The following MAPK8IP2 variants were observed in gnomAD, a reference collection of about 807,000 sequenced individuals.
MAPK8IP2 encodes the protein mitogen-activated protein kinase 8 interacting protein 2.
In MAPK8IP2, 15 loss-of-function variants were observed where a neutral mutation model predicts 75.6. The ratio of observed to expected loss-of-function variants is 0.20; its 90% confidence interval spans 0.13 to 0.31. MAPK8IP2 has a LOEUF of 0.31. Ranked by LOEUF, MAPK8IP2 falls within the 10% of genes least tolerant of loss-of-function variation. MAPK8IP2 has a pLI of 1.00. For missense variants in MAPK8IP2, 1,089 were observed against 1,211.2 expected, an observed-to-expected ratio of 0.90 and a Z score of 1.50; for synonymous variants, 632 against 554.5, an observed-to-expected ratio of 1.14 and a Z score of -1.96.
Position 50,604,292 on chromosome 22 carries a change from C to T in MAPK8IP2, c.993C>T (p.Tyr331=), listed in dbSNP as rs761958182. The T allele has an allele frequency of 1.5e-5, 23 of 1,561,812 alleles. No homozygotes were observed. The East Asian group carries it at 5.2e-4, about 35-fold the overall frequency. The part of the protein sequence containing the change: ...PVGPDDTNSE[Y]ESGSESEPDL... The stretch of plus-strand genomic sequence containing the variant: ...GCCCCGACGACACCAACAGCGAGTA[C>T]GAGTCGGGGTCGGAGTCGGAGCCGG... Residue 331 remains tyrosine (Y), a synonymous_variant, in exon 5 of 12, where the codon TAC becomes TAT. Coordinates refer to ENST00000329492, the MANE Select transcript of MAPK8IP2 (RefSeq NM_012324.6).
chr22:50,605,881 G>C lies in MAPK8IP2; in HGVS notation c.2071G>C (p.Val691Leu), dbSNP rs369627160. Residue 691 changes from valine (V) to leucine (L), a missense_variant, in exon 8 of 12, where the codon GTG (valine) becomes CTG (leucine). Physicochemically the swap from Val to Leu is conservative, Grantham distance 32. Around this residue, in one of 2 missense-constraint regions of MAPK8IP2, gnomAD observed 129 missense variants for 201.7 expected, o/e 0.64. Transcript: ENST00000329492. ...CTTTGACGTGCAGTTCCTGGGCTCC[G>C]TGGAGGTGCCCTGCCACCAGGGCAA... ...ERFDVQFLGS[V>L]EVPCHQGNGI... is the part of the protein sequence containing the mutation. 2 of 1,587,754 alleles carry C rather than the reference G, an allele frequency of 1.3e-6. No homozygotes were observed. Among genetic ancestry groups the C allele is most frequent in the African/African-American group, 2.7e-5 (2 of 74,376 alleles).
At position 50,610,626 on chromosome 22, in the gene MAPK8IP2, A is replaced by G. The variant is rs1038060391; in HGVS notation, c.2403-81A>G. On this transcript the variant is annotated intron_variant, in intron 11 of 11. Transcript: ENST00000329492. The surrounding 1 kb of genome is among the most constrained non-coding windows in gnomAD (Gnocchi z 4.3). ...ATGGCTGCAGAGGGAGGAAGGAGGG[A>G]GAGCTCAGAGGCTCTGTGGAAGGCA... 2.7e-6 allele frequency: 3 copies of G among 1,123,616 alleles called. No individual in the cohort carries two copies. The Admixed American group carries it at 6.0e-5, about 22-fold the overall frequency. 69.6% of individuals were successfully genotyped at this position (1,123,616 alleles called of 1,614,324 possible).
At position 50,603,303 on chromosome 22, in the gene MAPK8IP2, C is replaced by T. The variant is rs1483732514; in HGVS notation, c.252C>T (p.Ile84=). 50 of 1,572,342 alleles carry T rather than the reference C, an allele frequency of 3.2e-5. No homozygotes were observed. The highest frequency in any genetic ancestry group is 4.0e-5 in the Non-Finnish European group (47 of 1,161,270). ...FQDDFQEFEM[I]DDNEEEDDED... is the part of the protein sequence containing the mutation. ...ATGACTTCCAGGAGTTTGAGATGAT[C>T]GATGACAATGAAGAGGAGGACGATG... Residue 84 remains isoleucine (I), a synonymous_variant, in exon 3 of 12, where the codon ATC becomes ATT. Coordinates refer to ENST00000329492, the MANE Select transcript of MAPK8IP2 (RefSeq NM_012324.6).
At chr22:50,603,562 C>T in intron 3 of MAPK8IP2, 64 bp downstream of exon 3, 1 of 1,578,982 alleles carries the variant, frequency 6.3e-7, no homozygotes, top group Non-Finnish European at 8.6e-7. Context: ...GGGCTGCAGC[C>T]AGCCCTGCTC....
At chr22:50,609,950 C>T (rs768847935) in intron 10 of MAPK8IP2, 13 of 653,004 alleles carry the variant, frequency 2.0e-5, no homozygotes, top group Middle Eastern at 5.1e-4. Flanking sequence ...GTAGCAGCAC[C>T]GGCTCAGAGA....
At chr22:50,603,781 T>C in intron 4 of MAPK8IP2, 60 bp from the exon 5 acceptor site, 1 of 1,539,518 alleles carries the variant, frequency 6.5e-7, no homozygotes, top group South Asian at 1.2e-5. Flanking sequence ...GAGGATGGAC[T>C]GGCTGCTGGA....
chr22:50,601,801 C>T lies in MAPK8IP2; in HGVS notation c.78C>T (p.Asp26=), dbSNP rs746969033. ...LSPPGCRPPQ[D]ISLEEFDDED... is the part of the protein sequence containing the mutation. ...GTCTCCTTTCCAGGCCTCCCCAGGA[C>T]ATAAGCCTGGAAGAATTTGACGACG... Residue 26 remains aspartate (D), a synonymous_variant, in exon 2 of 12, where the codon GAC becomes GAT. Transcript: ENST00000329492. 2 of 1,613,512 alleles carry T rather than the reference C, an allele frequency of 1.2e-6. No homozygotes were observed. Among genetic ancestry groups the T allele is most frequent in the South Asian group, 1.1e-5 (1 of 91,068 alleles).
At chr22:50,602,776 T>C (rs1413511433) in intron 2 of MAPK8IP2, among the ~76,000 whole-genome samples, 1 of 152,224 alleles carries the variant, frequency 6.6e-6, no homozygotes, top group Non-Finnish European at 1.5e-5. Context: ...TGATGTTTAC[T>C]GAACATCCGC....
chr22:50,604,271 C>A lies in MAPK8IP2; in HGVS notation c.972C>A (p.Pro324=). Residue 324 remains proline (P), a synonymous_variant, in exon 5 of 12, where the codon CCC becomes CCA. Coordinates refer to ENST00000329492, the MANE Select transcript of MAPK8IP2 (RefSeq NM_012324.6). ...GCCCCGCCTTCCTGCCCGTGGGCCC[C>A]GACGACACCAACAGCGAGTACGAGT... is the stretch of plus-strand genomic sequence containing the variant. The part of the protein sequence containing the change: ...PRRPAFLPVG[P]DDTNSEYESG... The A allele has an allele frequency of 6.4e-7, 1 of 1,569,350 alleles. No homozygotes were observed. The highest frequency in any genetic ancestry group is 2.3e-5 in the East Asian group (1 of 43,034).
chr22:50,611,770 T>C lies in MAPK8IP2; in HGVS notation c.*991T>C, dbSNP rs1181427503. ...GGGAATTCTCCCTAGATACACTCGA[T>C]TGGCCACAGAGGAATCCGAGGCTGT... On this transcript the variant is annotated 3_prime_UTR_variant, in exon 12 of 12. Transcript: ENST00000329492. This position sits in a 1 kb window ranked among gnomAD's most constrained non-coding sequence, Gnocchi z 5.5. The C allele has an allele frequency of 3.3e-5, 5 of 152,232 alleles. No individual in the cohort carries two copies. Among genetic ancestry groups the C allele is most frequent in the Non-Finnish European group, 1.5e-5 (1 of 68,086 alleles). The allele number at this position is 152,232 out of a possible 1,614,324, so 9.4% of individuals were successfully genotyped here. A position where few individuals can be genotyped will look rare whatever the true frequency, so the allele number is the denominator to read the frequency against.
chr22:50,610,960 G>A lies in MAPK8IP2; in HGVS notation c.*181G>A. On this transcript the variant is annotated 3_prime_UTR_variant, in exon 12 of 12. Transcript: ENST00000329492. This position sits in a 1 kb window ranked among gnomAD's most constrained non-coding sequence, Gnocchi z 4.3. ...TCCCCAGGGCGCAGCTGTTGGGGCT[G>A]CGGGGGAGTGGAGCCCCCGTGCCCC... The A allele has an allele frequency of 3.5e-6, 2 of 570,068 alleles. No individual in the cohort carries two copies. The highest frequency in any genetic ancestry group is 6.0e-5 in the East Asian group (2 of 33,382). 35.3% of individuals were successfully genotyped at this position (570,068 alleles called of 1,614,324 possible). A position where few individuals can be genotyped will look rare whatever the true frequency, so the allele number is the denominator to read the frequency against.
Position 50,604,300 on chromosome 22 carries a change from G to T in MAPK8IP2, c.1001G>T (p.Gly334Val). The T allele has an allele frequency of 6.4e-7, 1 of 1,553,168 alleles. No homozygotes were observed. The change falls in exon 5 of 12, where the codon GGG becomes GTG. Residue 334 changes from glycine to valine, a missense_variant. By Grantham distance (109) the Gly-to-Val change is moderately radical. Transcript: ENST00000329492. ...PDDTNSEYES[G>V]SESEPDLSED... ...GACACCAACAGCGAGTACGAGTCGG[G>T]GTCGGAGTCGGAGCCGGACCTCAGC...
chr22:50,606,827 CG>C (rs2071060398), intron 9 of MAPK8IP2, 62 bp downstream of exon 9: 1 of 1,592,698 alleles, frequency 6.3e-7, no homozygotes, highest in Non-Finnish European at 8.6e-7. Flanking sequence ...CGGAGTCCGA[CG>C]GGGCCAGGCT....
rs555660862 is a variant in MAPK8IP2, at chr22:50,604,536, A to G, written c.1237A>G (p.Thr413Ala). The G allele has an allele frequency of 1.8e-4, 207 of 1,174,396 alleles. 1 individual carries two copies. Among genetic ancestry groups the G allele is most frequent in the Admixed American group, 4.7e-5 (1 of 21,142 alleles). The allele number at this position is 1,174,396 out of a possible 1,614,324, so 72.7% of individuals were successfully genotyped here. A position where few individuals can be genotyped will look rare whatever the true frequency, so the allele number is the denominator to read the frequency against. The change falls in exon 5 of 12, where the codon ACG becomes GCG. Residue 413 changes from threonine (T) to alanine (A), a missense_variant. Transcript: ENST00000329492. ...CGGCGTGGAGCTGGTGGACATGGAG[A>G]CGCTGTGCGCGCCGCCGCCGCCCGC... ...PGGVELVDME[T>A]LCAPPPPAPA...
Position 50,604,228 on chromosome 22 carries a change from C to A in MAPK8IP2, c.929C>A (p.Pro310Gln), listed in dbSNP as rs753985446. The stretch of plus-strand genomic sequence containing the variant: ...TCGCCCGCCTCGGAGCCGGAGCCCC[C>A]GCGCGAACCCCCGCGCCGCCCCGCC... ...ASSPASEPEP[P>Q]REPPRRPAFL... Residue 310 changes from proline (P) to glutamine (Q), a missense_variant, in exon 5 of 12, where the codon CCG becomes CAG. Pro to Gln is a moderately conservative substitution (Grantham distance 76). Transcript: ENST00000329492. The A allele has an allele frequency of 1.1e-4, 174 of 1,558,872 alleles. No homozygotes were observed. The highest frequency in any genetic ancestry group is 1.5e-4 in the Non-Finnish European group (170 of 1,160,658).
At position 50,610,793 on chromosome 22, in the gene MAPK8IP2, C is replaced by T; in HGVS notation, c.*14C>T. 6.3e-7 allele frequency: 1 copy of T among 1,596,280 alleles called. No individual in the cohort carries two copies. Among genetic ancestry groups the T allele is most frequent in the Non-Finnish European group, 8.5e-7 (1 of 1,172,056 alleles). ...TACCTGGAGTAGCCTGCCCACCGCT[C>T]TGTCTCCTGGCCGTCTGCTCCAGGC... On this transcript the variant is annotated 3_prime_UTR_variant, in exon 12 of 12. Transcript: ENST00000329492. This position sits in a 1 kb window ranked among gnomAD's most constrained non-coding sequence, Gnocchi z 4.3.
chr22:50,612,878 G>C lies in MAPK8IP2; in HGVS notation c.*2099G>C, dbSNP rs1489224247. The C allele has an allele frequency of 7.1e-6, 1 of 141,164 alleles. No homozygotes were observed. Among genetic ancestry groups the C allele is most frequent in the African/African-American group, 2.6e-5 (1 of 37,836 alleles). The allele number at this position is 141,164 out of a possible 1,614,324, so 8.7% of individuals were successfully genotyped here. On this transcript the variant is annotated 3_prime_UTR_variant, in exon 12 of 12. Transcript: ENST00000329492. The stretch of plus-strand genomic sequence containing the variant: ...GGCGCCCCCGTCCCGCCCCTGCCCG[G>C]CCTGGCCCCGCCCCTGCCCGGCCCC...
chr22:50,603,080 T>C, intron 2 of MAPK8IP2, 143 bp from the exon 3 acceptor site: 4 of 1,527,354 alleles, frequency 2.6e-6, no homozygotes, highest in Non-Finnish European at 3.5e-6. Flanking sequence ...TTTGAAAACA[T>C]CGCCCTGTAG....
At chr22:50,601,657 G>A in intron 1 of MAPK8IP2, 132 bp from the exon 2 acceptor site, 1 of 647,698 alleles carries the variant, frequency 1.5e-6, no homozygotes, top group Non-Finnish European at 2.8e-6. Context: ...ATGGCAGGAT[G>A]TGTTCCGAGA....
Sources: allele counts gnomAD v4.1 joint callset (sites outside exome capture counted in the v4.1 genomes callset), GRCh38; gene constraint gnomAD v4.1.1; regional missense constraint gnomAD v4.1.1; non-coding constraint Gnocchi (gnomAD v3.1); transcripts MANE v1.5; gene names NCBI Gene and HGNC (gene_info 2026-07-23, HGNC 2026-07-21).